The following SLC46A3 variants were observed in gnomAD, a reference collection of about 807,000 sequenced individuals.
SLC46A3 encodes the protein lysosomal proton-coupled steroid conjugate and bile acid symporter SLC46A3.
SLC46A3 carries 26 observed loss-of-function variants against 38.5 expected under a neutral mutation model. The ratio of observed to expected loss-of-function variants is 0.68; its 90% CI spans 0.49 to 0.94. The LOEUF is 0.94. SLC46A3 is among the 40% of genes least tolerant of loss of function. The pLI is 0.00. For synonymous variants in SLC46A3, 185 were observed against 192.5 expected (o/e 0.96, Z 0.32); for missense variants, 510 against 544.3 (o/e 0.94, Z 0.63).
chr13:28,710,305 C>A (rs1033850371), intron 4 of SLC46A3, among the ~76,000 whole-genome samples: 1 of 152,194 alleles, frequency 6.6e-6, no homozygotes, highest in African/African-American at 2.4e-5. Flanking sequence ...AGGAGTCGCC[C>A]CTTGGCTCCT....
intron 3 of SLC46A3, among the ~76,000 whole-genome samples, 177 bp downstream of exon 3, chr13:28,712,503 T>C (rs1885369953): frequency 6.6e-6 from 1 of 152,210 alleles, no homozygotes; most frequent in Admixed American, 6.5e-5. Flanking sequence ...ATTAAATTTT[T>C]AAAGTGAATT....
At position 28,716,690 on chromosome 13, in the gene SLC46A3, G is replaced by C. The variant is rs562343173; in HGVS notation, c.189+1120C>G. 3.3e-5 allele frequency among the ~76,000 whole-genome samples: 5 copies of C among 152,164 alleles called. No homozygotes were observed. The East Asian group carries it at 9.7e-4, about 29-fold the overall frequency. On this transcript the variant is annotated intron_variant, in intron 2 of 5. Transcript: ENST00000266943. ...ACTCCCAAGAAAACGTTTCCCATGGGAATGAGGAAATGAGTAAGATTAGGG... is the reference window on the plus strand; with the variant it reads ...ACTCCCAAGAAAACGTTTCCCATGGCAATGAGGAAATGAGTAAGATTAGGG...
At chr13:28,708,301 A>G (rs1382092346) in intron 4 of SLC46A3, among the ~76,000 whole-genome samples, 1 of 152,054 alleles carries the variant, frequency 6.6e-6, no homozygotes, top group Non-Finnish European at 1.5e-5. Flanking sequence ...GAGGGCTCCA[A>G]TTTCTCCACA....
intron 2 of SLC46A3, among the ~76,000 whole-genome samples, chr13:28,717,071 G>A (rs1234833493): frequency 5.9e-5 from 9 of 152,092 alleles, no homozygotes; most frequent in Admixed American, 5.9e-4. Context: ...ACTGCCCAAG[G>A]GACCAGGAGA....
chr13:28,716,628 A>C (rs1453285828), intron 2 of SLC46A3, among the ~76,000 whole-genome samples: 1 of 152,074 alleles, frequency 6.6e-6, no homozygotes, highest in Admixed American at 6.5e-5. Context: ...ACTCTACGCC[A>C]GAACCTTGAT....
In SLC46A3 at chr13:28,713,133, T is replaced by A. The variant is rs889215846; in HGVS notation, c.607A>T (p.Ile203Phe). ...ELGFEWSFLI[I>F]AVSLAVNLIY... ...AAATTAACAGCAAGAGACACAGCAA[T>A]AATTAGAAACGACCACTCAAAACCT... Residue 203 changes from isoleucine (I) to phenylalanine (F), a missense_variant, in exon 3 of 6, where the codon ATT becomes TTT. Physicochemically the swap from Ile to Phe is conservative, Grantham distance 21. Coordinates refer to ENST00000266943, the MANE Select transcript of SLC46A3 (RefSeq NM_181785.4). The A allele has an allele frequency of 6.2e-7, 1 of 1,613,858 alleles. No individual in the cohort carries two copies.
Position 28,713,194 on chromosome 13 carries a change from T to C in SLC46A3, c.546A>G (p.Leu182=). 6.2e-7 allele frequency: 1 copy of C among 1,614,168 alleles called. No individual in the cohort carries two copies. The highest frequency in any genetic ancestry group is 8.5e-7 in the Non-Finnish European group (1 of 1,180,026). The change falls in exon 3 of 6, where the codon CTA becomes CTG. Residue 182 remains leucine (L), a synonymous_variant. Transcript: ENST00000266943. ...TAAAATAGCCAGATGACAGTCCTGT[T>C]AGTCCAGTAACAAGTCCAAGTAGAA... is the stretch of plus-strand genomic sequence containing the variant. The part of the protein sequence containing the change: ...IDFLLGLVTG[L]TGLSSGYFIR...
chr13:28,717,506 T>C (rs894108273), intron 2 of SLC46A3, among the ~76,000 whole-genome samples: 2 of 98,068 alleles, frequency 2.0e-5, no homozygotes, highest in Admixed American at 1.2e-4. Flanking sequence ...TTTTTTTTTT[T>C]TTTTAGGACA....
At chr13:28,701,787 T>C (rs1885030014) in intron 5 of SLC46A3, among the ~76,000 whole-genome samples, 1 of 152,214 alleles carries the variant, frequency 6.6e-6, no homozygotes, top group Non-Finnish European at 1.5e-5. Context: ...TTTTCTCTTC[T>C]AGACCCCTAA....
chr13:28,702,447 T>G (rs982636217), intron 5 of SLC46A3, among the ~76,000 whole-genome samples: 1 of 152,250 alleles, frequency 6.6e-6, no homozygotes, highest in African/African-American at 2.4e-5. Context: ...GTTTAGAGTA[T>G]GTTTCTAAAA....
chr13:28,712,639 T>C (rs1885375322), intron 3 of SLC46A3, 41 bp downstream of exon 3: 3 of 1,497,012 alleles, frequency 2.0e-6, no homozygotes, highest in Non-Finnish European at 2.7e-6. Flanking sequence ...TATATGAATA[T>C]CAAATACATA....
At position 28,701,392 on chromosome 13, in the gene SLC46A3, T is replaced by G. The variant is rs534400479; in HGVS notation, c.*105A>C. 24 of 1,505,982 alleles carry G rather than the reference T, an allele frequency of 1.6e-5. No individual in the cohort carries two copies. The highest frequency in any genetic ancestry group is 1.6e-5 in the Non-Finnish European group (18 of 1,130,790). 93.3% of individuals were successfully genotyped at this position (1,505,982 alleles called of 1,614,324 possible). A position where few individuals can be genotyped will look rare whatever the true frequency, so the allele number is the denominator to read the frequency against. ...AGTTTAGAAGAAAAGATAGGTAAAA[T>G]TGGTTCTCAGTGAAGCACTGATTGT... On this transcript the variant is annotated 3_prime_UTR_variant, in exon 6 of 6. Coordinates refer to ENST00000266943, the MANE Select transcript of SLC46A3 (RefSeq NM_181785.4).
chr13:28,702,207 ACTC>A (rs2137818363), intron 5 of SLC46A3, among the ~76,000 whole-genome samples: 1 of 151,384 alleles, frequency 6.6e-6, no homozygotes, highest in South Asian at 2.1e-4. Flanking sequence ...TTGGTCTTGA[ACTC>A]CTGGCCTCAA....
In SLC46A3 at chr13:28,710,761, T is replaced by A. The variant is rs201328991; in HGVS notation, c.1143A>T (p.Gln381His). The A allele has an allele frequency of 7.5e-6, 12 of 1,610,566 alleles. No homozygotes were observed. The African/African-American group carries it at 1.5e-4, about 20-fold the overall frequency. ...MLSKVVRSTE[Q>H]GTLFACIAFL... ...ATTTCTTAAGCAAATTAAACTCACC[T>A]TGTTCAGTCGAACGAACCACTTTTG... Residue 381 changes from glutamine to histidine, a missense_variant and splice_region_variant, in exon 4 of 6, where the codon CAA becomes CAT. Coordinates refer to ENST00000266943, the MANE Select transcript of SLC46A3 (RefSeq NM_181785.4).
In SLC46A3 at chr13:28,713,053, A is replaced by C; in HGVS notation, c.687T>G (p.Asn229Lys). The C allele has an allele frequency of 6.2e-7, 1 of 1,611,442 alleles. No homozygotes were observed. Among genetic ancestry groups the C allele is most frequent in the Non-Finnish European group, 8.5e-7 (1 of 1,179,550 alleles). The change falls in exon 3 of 6, where the codon AAT becomes AAG. Residue 229 changes from asparagine to lysine, a missense_variant. Physicochemically the swap from Asn to Lys is moderately conservative, Grantham distance 94 (BLOSUM62 0). Coordinates refer to ENST00000266943, the MANE Select transcript of SLC46A3 (RefSeq NM_181785.4). ...GDPVKECSSQ[N>K]VTMSCSEGFK... ...AGCCTTCACTACATGACATAGTAAC[A>C]TTCTGAGATGAACACTCTTTCACTG...
At chr13:28,702,429 CATT>C (rs1566118170) in intron 5 of SLC46A3, among the ~76,000 whole-genome samples, 1 of 152,058 alleles carries the variant, frequency 6.6e-6, no homozygotes, top group Non-Finnish European at 1.5e-5. Flanking sequence ...CAAAATTACT[CATT>C]ATTTGTTTAG....
chr13:28,710,650 C>A, intron 4 of SLC46A3, 110 bp downstream of exon 4: 2 of 828,136 alleles, frequency 2.4e-6, no homozygotes, highest in South Asian at 1.6e-5. Flanking sequence ...AAAAGGAGAT[C>A]CGTGCATAAA....
chr13:28,703,029 C>T (rs1323985869), intron 5 of SLC46A3, among the ~76,000 whole-genome samples: 1 of 152,070 alleles, frequency 6.6e-6, no homozygotes, highest in Non-Finnish European at 1.5e-5. Context: ...GACGTTTCAG[C>T]AATCATTCAT....
At chr13:28,705,640 T>C (rs1355293210) in intron 4 of SLC46A3, among the ~76,000 whole-genome samples, 1 of 152,204 alleles carries the variant, frequency 6.6e-6, no homozygotes, top group Non-Finnish European at 1.5e-5. Context: ...TCCGGGTGCA[T>C]GGCAGACATT....
Sources: allele counts gnomAD v4.1 joint callset (sites outside exome capture counted in the v4.1 genomes callset), GRCh38; gene constraint gnomAD v4.1.1; transcripts MANE v1.5; gene names NCBI Gene and HGNC (gene_info 2026-07-23, HGNC 2026-07-21).